PEX5L: variants seen among roughly 807,000 people sequenced by gnomAD.
PEX5L encodes the protein peroxisomal biogenesis factor 5 like.
Under a neutral mutation model 84.0 loss-of-function variants are expected in PEX5L, and 30 were observed. That is an observed-to-expected ratio of 0.36 (90% CI 0.27 to 0.48). The LOEUF (loss-of-function observed/expected upper bound fraction) is 0.48. PEX5L is among the 20% of genes least tolerant of loss of function. The pLI is 0.99. For missense variants in PEX5L, 533 were observed against 754.6 expected (o/e 0.71, Z 3.44); for synonymous variants, 270 against 283.1 (o/e 0.95, Z 0.46).
chr3:179,895,738 G>A (rs1186890271), intron 3 of PEX5L: 1 of 152,028 alleles, frequency 6.6e-6, no homozygotes, highest in Non-Finnish European at 1.5e-5. Flanking sequence ...TAGAATATGG[G>A]ATTATTCTAC....
At chr3:179,985,244 A>C (rs1222538895) in intron 1 of PEX5L, among the ~76,000 whole-genome samples, 1 of 152,192 alleles carries the variant, frequency 6.6e-6, no homozygotes, top group Admixed American at 6.5e-5. Flanking sequence ...ATTGTTTTTC[A>C]TGATTAGCAT....
chr3:179,884,309 A>G (rs1755084324), intron 4 of PEX5L, among the ~76,000 whole-genome samples: 1 of 152,214 alleles, frequency 6.6e-6, no homozygotes, highest in Non-Finnish European at 1.5e-5. Flanking sequence ...TGTGGGCCCA[A>G]TGTAATCACA....
intron 7 of PEX5L, among the ~76,000 whole-genome samples, chr3:179,872,664 C>T (rs1343676743): frequency 6.6e-6 from 1 of 152,148 alleles, no homozygotes; most frequent in Admixed American, 6.5e-5. Context: ...TCTATGGCAA[C>T]CAGGGACACC....
chr3:179,960,184 TGAG>T (rs1387003348), intron 2 of PEX5L, among the ~76,000 whole-genome samples: 1 of 152,228 alleles, frequency 6.6e-6, no homozygotes, highest in East Asian at 1.9e-4. Flanking sequence ...GTCAGAACTA[TGAG>T]GAGGTCTCCT....
intron 8 of PEX5L, among the ~76,000 whole-genome samples, chr3:179,848,421 C>T (rs2108419317): frequency 6.6e-6 from 1 of 151,804 alleles, no homozygotes; most frequent in South Asian, 2.1e-4. Context: ...CATGGTGGTA[C>T]ATGTCTATAG....
intron 5 of PEX5L, among the ~76,000 whole-genome samples, chr3:179,878,305 C>T (rs1326568099): frequency 6.6e-6 from 1 of 152,064 alleles, no homozygotes; most frequent in African/African-American, 2.4e-5. Flanking sequence ...CTCATTATCC[C>T]CCTTGTCACT....
chr3:180,021,984 C>T (rs1054271368), intron 1 of PEX5L, among the ~76,000 whole-genome samples: 3 of 152,054 alleles, frequency 2.0e-5, no homozygotes, highest in Non-Finnish European at 4.4e-5. Context: ...GGGAGTAATG[C>T]TTCCTTGATA....
chr3:179,999,194 G>A (rs1788163855), intron 1 of PEX5L, among the ~76,000 whole-genome samples: 1 of 152,212 alleles, frequency 6.6e-6, no homozygotes, highest in South Asian at 2.1e-4. Flanking sequence ...GAAATTTGGG[G>A]AAAAGGTATG....
intron 3 of PEX5L, among the ~76,000 whole-genome samples, chr3:179,893,258 A>G (rs934306055): frequency 2.6e-5 from 4 of 152,158 alleles, no homozygotes; most frequent in Admixed American, 1.3e-4. Flanking sequence ...AAGGCAGATT[A>G]TATCACCCAG....
intron 1 of PEX5L, among the ~76,000 whole-genome samples, chr3:180,020,554 A>T (rs552319877): frequency 6.6e-6 from 1 of 152,240 alleles, no homozygotes; most frequent in African/African-American, 2.4e-5. Context: ...TCCTTTTGTG[A>T]TGTGAATGAG....
At chr3:179,820,361 G>A (rs1473698668) in intron 8 of PEX5L, 1 of 184,936 alleles carries the variant, frequency 5.4e-6, no homozygotes. Context: ...TGGCTGAGCA[G>A]TGACTTGGGA....
At position 179,896,643 on chromosome 3, in the gene PEX5L, C is replaced by T. The variant is rs990496372; in HGVS notation, c.198+1499G>A. ...GAAAAAAGAATCTTGGGTACTGGAA[C>T]CTGCCCTAGATTGTGAAGTCCTGAG... On this transcript the variant is annotated intron_variant, in intron 3 of 14. Transcript: ENST00000467460. Among the ~76,000 whole-genome samples the T allele has an allele frequency of 2.0e-5, 3 of 152,090 alleles. 1 individual carries two copies. The South Asian group carries it at 6.2e-4, about 31-fold the overall frequency.
intron 10 of PEX5L, among the ~76,000 whole-genome samples, chr3:179,813,692 C>T (rs1255824526): frequency 1.8e-5 from 2 of 113,022 alleles, no homozygotes; most frequent in African/African-American, 3.6e-5. Flanking sequence ...TTTTTTGAGA[C>T]GGAGTCCCGC....
chr3:179,981,052 G>T (rs1405244674), intron 1 of PEX5L, among the ~76,000 whole-genome samples: 1 of 151,394 alleles, frequency 6.6e-6, no homozygotes. Flanking sequence ...TAAAACAGCA[G>T]AGTCTCAAGG....
At chr3:179,832,238 A>AG (rs1295775983) in intron 8 of PEX5L, among the ~76,000 whole-genome samples, 1 of 151,752 alleles carries the variant, frequency 6.6e-6, no homozygotes, top group African/African-American at 2.4e-5. Context: ...AGAGCTACAG[A>AG]AAGAGAGAGA....
Position 179,898,207 on chromosome 3 carries a change from C to T in PEX5L, c.133G>A (p.Val45Met), listed in dbSNP as rs1760016327. Residue 45 changes from valine (V) to methionine (M), a missense_variant, in exon 3 of 15, where the codon GTG (valine) becomes ATG (methionine). Val to Met is a conservative substitution (Grantham distance 21). Coordinates refer to ENST00000467460, the MANE Select transcript of PEX5L (RefSeq NM_016559.3). Reference sequence around the variant, plus strand: ...TCCTCCCTCGGTATCTCCTTCATCACCATGGCAACAGCCTTATCTGCCGCC... The same window carrying T: ...TCCTCCCTCGGTATCTCCTTCATCATCATGGCAACAGCCTTATCTGCCGCC... ...SRAADKAVAM[V>M]MKEIPREESA... 1.2e-6 allele frequency: 2 copies of T among 1,613,402 alleles called. No individual in the cohort carries two copies. Among genetic ancestry groups the T allele is most frequent in the African/African-American group, 1.3e-5 (1 of 74,866 alleles).
At chr3:180,004,374 G>A (rs909247617) in intron 1 of PEX5L, among the ~76,000 whole-genome samples, 1 of 152,128 alleles carries the variant, frequency 6.6e-6, no homozygotes, top group Non-Finnish European at 1.5e-5. Flanking sequence ...ATTTGGTAAA[G>A]TTTGGAAATA....
At chr3:179,932,458 A>G (rs1773375339) in intron 2 of PEX5L, among the ~76,000 whole-genome samples, 1 of 152,148 alleles carries the variant, frequency 6.6e-6, no homozygotes, top group Non-Finnish European at 1.5e-5. Flanking sequence ...ACCTCCCCAG[A>G]AAAGATCTAT....
intron 2 of PEX5L, among the ~76,000 whole-genome samples, chr3:179,965,963 T>C (rs1056082746): frequency 6.6e-6 from 1 of 152,184 alleles, no homozygotes. Context: ...TTATTGATGA[T>C]AAATAGTTTG....
Sources: gnomAD v4.1 joint callset for allele counts (sites outside exome capture counted in the v4.1 genomes callset) on GRCh38, gnomAD v4.1.1 for gene constraint, MANE v1.5 for transcripts, NCBI Gene and HGNC (gene_info 2026-07-23, HGNC 2026-07-21) for gene names.